Variants in KCNJ13 observed in about 807,000 individuals in gnomAD.
KCNJ13 encodes the protein inward rectifier potassium channel 13.
In KCNJ13, 9 loss-of-function variants were observed where a neutral mutation model predicts 24.6. The observed-to-expected ratio is 0.37, with a 90% CI of 0.22 to 0.64. The LOEUF is 0.64. Among genes scored for constraint, KCNJ13 ranks in the 30% least tolerant of loss-of-function variants. The pLI is 0.64. For synonymous variants in KCNJ13, 148 were observed against 154.7 expected, an observed-to-expected ratio of 0.96 and a Z score of 0.32; for missense variants, 337 against 443.8, an observed-to-expected ratio of 0.76 and a Z score of 2.16.
At position 232,776,444 on chromosome 2, in the gene KCNJ13, C is replaced by T. The variant is rs1699516822; in HGVS notation, c.-17+1G>A. 1 of 1,603,172 alleles carries T rather than the reference C, an allele frequency of 6.2e-7. No homozygotes were observed. The highest frequency in any genetic ancestry group is 8.5e-7 in the Non-Finnish European group (1 of 1,172,562). ...GAATGGATATTATTGCATGTACTCA[C>T]CAGTTCTTTTGCTGGGTCAGCCTTT... On this transcript the variant is annotated splice_donor_variant, in intron 1 of 2. Transcript: ENST00000233826. LOFTEE classifies it low-confidence loss of function (5UTR_SPLICE).
In KCNJ13 at chr2:232,768,695, G is replaced by GTT; in HGVS notation, c.577_578dup (p.Asn193LysfsTer8). The GTT allele has an allele frequency of 2.5e-6, 4 of 1,606,088 alleles. No individual in the cohort carries two copies. The highest frequency in any genetic ancestry group is 3.4e-6 in the Non-Finnish European group (4 of 1,173,678). On this transcript the variant is annotated frameshift_variant, in exon 3 of 3. Coordinates refer to ENST00000233826, the MANE Select transcript of KCNJ13 (RefSeq NM_002242.4). LOFTEE classifies it high-confidence loss of function. ...CACTGGTTAGAGGGCTAGGTCGGGT[G>GTT]TTGGCCACTTGGAAGATAAGATTAG... is the stretch of plus-strand genomic sequence containing the variant.
chr2:232,769,504 T>TG (rs1276458490), intron 2 of KCNJ13, among the ~76,000 whole-genome samples: 2 of 73,522 alleles, frequency 2.7e-5, no homozygotes, highest in African/African-American at 1.0e-4. Flanking sequence ...AGACTCCATC[T>TG]CAAAAAAAAA....
At chr2:232,772,909 GTGT>G (rs560920477) in intron 1 of KCNJ13, among the ~76,000 whole-genome samples, 83 of 152,148 alleles carry the variant, frequency 5.5e-4, no homozygotes, top group African/African-American at 1.9e-3. Flanking sequence ...CTGCCTTTCT[GTGT>G]TGTTGGAATT....
At chr2:232,776,412 G>A (rs1699515471) in intron 1 of KCNJ13, 33 bp downstream of exon 1, 1 of 1,578,018 alleles carries the variant, frequency 6.3e-7, no homozygotes, top group South Asian at 1.1e-5. Context: ...TTCCCATAAG[G>A]AAAGAAGAAT....
intron 2 of KCNJ13, among the ~76,000 whole-genome samples, chr2:232,769,071 C>T (rs1158039068): frequency 6.6e-6 from 1 of 152,026 alleles, no homozygotes; most frequent in Non-Finnish European, 1.5e-5. Context: ...AAACTTCATC[C>T]TCTAGTTTCT....
rs1261649348 is a variant in KCNJ13 at position 232,771,294 on chromosome 2, C to G, written c.69G>C (p.Lys23Asn). ...LSQRYRRMVT[K>N]DGHSTLQMDG... Reference sequence around the variant, plus strand: ...CCATTTGAAGTGTGCTGTGGCCATCCTTGGTGACCATCCTCCGGTATCTTT... The same window carrying G: ...CCATTTGAAGTGTGCTGTGGCCATCGTTGGTGACCATCCTCCGGTATCTTT... The change falls in exon 2 of 3, where the codon AAG becomes AAC. Residue 23 changes from lysine to asparagine, a missense_variant. Coordinates refer to ENST00000233826, the MANE Select transcript of KCNJ13 (RefSeq NM_002242.4). The G allele has an allele frequency of 3.7e-6, 6 of 1,610,154 alleles. No homozygotes were observed. Among genetic ancestry groups the G allele is most frequent in the Non-Finnish European group, 5.1e-6 (6 of 1,177,906 alleles).
In KCNJ13 at chr2:232,766,371, C is replaced by T. The variant is rs1698963539; in HGVS notation, c.*1820G>A. ...GGAACCTTAGATCTCAGGTTTTACT[C>T]ATTCACTTATGTCACCTTGGGCAGC... On this transcript the variant is annotated 3_prime_UTR_variant, in exon 3 of 3. Transcript: ENST00000233826. 5.8e-6 allele frequency: 1 copy of T among 172,996 alleles called. No individual in the cohort carries two copies. Among genetic ancestry groups the T allele is most frequent in the Non-Finnish European group, 1.2e-5 (1 of 80,472 alleles). The allele number at this position is 172,996 out of a possible 1,614,324, so 10.7% of individuals were successfully genotyped here.
At chr2:232,770,279 C>G (rs758547257) in intron 2 of KCNJ13, among the ~76,000 whole-genome samples, 1 of 152,198 alleles carries the variant, frequency 6.6e-6, no homozygotes, top group Non-Finnish European at 1.5e-5. Context: ...AAAAAGGGCA[C>G]TAGTCCTCCT....
intron 1 of KCNJ13, among the ~76,000 whole-genome samples, chr2:232,771,615 T>A (rs1184629285): frequency 3.9e-5 from 6 of 152,234 alleles, no homozygotes; most frequent in Non-Finnish European, 8.8e-5. Flanking sequence ...GTTAAAACAT[T>A]GTTTAACACT....
chr2:232,770,888 C>G lies in KCNJ13; in HGVS notation c.460+15G>C, dbSNP rs1402666969. ...TTTTTGTTTTTGTTTTTTTTAAGAACAAAGACAAAATTACCTGTGATAAAA... is the reference window on the plus strand; with the variant it reads ...TTTTTGTTTTTGTTTTTTTTAAGAAGAAAGACAAAATTACCTGTGATAAAA... On this transcript the variant is annotated intron_variant, in intron 2 of 2. Transcript: ENST00000233826. The G allele has an allele frequency of 1.3e-6, 2 of 1,592,176 alleles. No homozygotes were observed. Among genetic ancestry groups the G allele is most frequent in the African/African-American group, 2.7e-5 (2 of 74,276 alleles).
chr2:232,769,301 C>T (rs1017000025), intron 2 of KCNJ13, among the ~76,000 whole-genome samples: 5 of 151,944 alleles, frequency 3.3e-5, no homozygotes, highest in South Asian at 2.1e-4. Context: ...GAGCCCGAGG[C>T]GGGCGGGTCA....
In KCNJ13 at chr2:232,766,091, A is replaced by C; in HGVS notation, c.*2100T>G. 2.2e-6 allele frequency: 1 copy of C among 455,002 alleles called. No individual in the cohort carries two copies. The highest frequency in any genetic ancestry group is 1.6e-5 in the South Asian group (1 of 62,506). The allele number at this position is 455,002 out of a possible 1,614,324, so 28.2% of individuals were successfully genotyped here. ...CCTCAGAGGATAATGGTCTTTCTATAGAAAACCTAATCCTTAACCTAGAAA... is the reference window on the plus strand; with the variant it reads ...CCTCAGAGGATAATGGTCTTTCTATCGAAAACCTAATCCTTAACCTAGAAA... On this transcript the variant is annotated 3_prime_UTR_variant, in exon 3 of 3. Coordinates refer to ENST00000233826, the MANE Select transcript of KCNJ13 (RefSeq NM_002242.4).
rs375562473 is a variant in KCNJ13 at position 232,773,509 on chromosome 2, A to C, written c.-16-2131T>G. ...TACAGGAAGCGTTTGGTGAAATAAC[A>C]GTCTTTCCAAAAATGATTGATATTG... On this transcript the variant is annotated intron_variant, in intron 1 of 2. Coordinates refer to ENST00000233826, the MANE Select transcript of KCNJ13 (RefSeq NM_002242.4). Among the ~76,000 whole-genome samples, 11 of 152,246 alleles carry C rather than the reference A, an allele frequency of 7.2e-5. 1 individual carries two copies. The highest frequency in any genetic ancestry group is 2.6e-4 in the African/African-American group (11 of 41,540).
intron 2 of KCNJ13, among the ~76,000 whole-genome samples, chr2:232,770,631 A>G (rs1436255977): frequency 6.6e-6 from 1 of 151,582 alleles, no homozygotes; most frequent in East Asian, 1.9e-4. Flanking sequence ...GATATGGGAT[A>G]TTTCTGCAAT....
At position 232,767,134 on chromosome 2, in the gene KCNJ13, C is replaced by T. The variant is rs1699001155; in HGVS notation, c.*1057G>A. On this transcript the variant is annotated 3_prime_UTR_variant, in exon 3 of 3. Transcript: ENST00000233826. ...AATAGAGTTCATCTAGTCCAACCTC[C>T]TACTGGTGAATAAACACTGATTTTG... is the stretch of plus-strand genomic sequence containing the variant. 6.6e-6 allele frequency: 1 copy of T among 152,116 alleles called. No homozygotes were observed. Among genetic ancestry groups the T allele is most frequent in the African/African-American group, 2.4e-5 (1 of 41,440 alleles). The allele number at this position is 152,116 out of a possible 1,614,324, so 9.4% of individuals were successfully genotyped here.
chr2:232,774,012 T>G (rs1027024739), intron 1 of KCNJ13, among the ~76,000 whole-genome samples: 1 of 151,594 alleles, frequency 6.6e-6, no homozygotes, highest in Non-Finnish European at 1.5e-5. Flanking sequence ...CCAGGCATGG[T>G]GACTCATGCC....
At chr2:232,776,396 C>G in intron 1 of KCNJ13, 49 bp downstream of exon 1, 1 of 1,519,084 alleles carries the variant, frequency 6.6e-7, no homozygotes, top group Non-Finnish European at 9.1e-7. Context: ...CAGTTTCTTT[C>G]CCTGTTTCCC....
chr2:232,772,440 G>A lies in KCNJ13; in HGVS notation c.-16-1062C>T, dbSNP rs552941947. 2.0e-3 allele frequency among the ~76,000 whole-genome samples: 311 copies of A among 152,286 alleles called. 1 individual carries two copies. The highest frequency in any genetic ancestry group is 7.1e-3 in the African/African-American group (296 of 41,574). On this transcript the variant is annotated intron_variant, in intron 1 of 2. Transcript: ENST00000233826. Reference sequence around the variant, plus strand: ...GTAAGTAAACTAGAAGAAAAAGGTTGAATAGTTCAATGAACTAAAATAATC... The same window carrying A: ...GTAAGTAAACTAGAAGAAAAAGGTTAAATAGTTCAATGAACTAAAATAATC...
chr2:232,770,930 C>T lies in KCNJ13; in HGVS notation c.433G>A (p.Gly145Ser). The change falls in exon 2 of 3, where the codon GGC becomes AGC. Residue 145 changes from glycine (G) to serine (S), a missense_variant. Gly to Ser is a moderately conservative substitution (Grantham distance 56, BLOSUM62 0). This residue lies in a region of KCNJ13 where 235 missense variants were observed against 286.9 expected (regional missense o/e 0.82). Transcript: ENST00000233826. Reference protein sequence around the residue: ...IALLAIQMLLGLMLEAFITGA... With the variant: ...IALLAIQMLLSLMLEAFITGA... ...GTGATAAAAGCCTCTAGCATGAGGCCTAGGAGCATTTGTATGGCAAGTAAG... is the reference window on the plus strand; with the variant it reads ...GTGATAAAAGCCTCTAGCATGAGGCTTAGGAGCATTTGTATGGCAAGTAAG... 1 of 1,613,686 alleles carries T rather than the reference C, an allele frequency of 6.2e-7. No homozygotes were observed. The highest frequency in any genetic ancestry group is 8.5e-7 in the Non-Finnish European group (1 of 1,179,774).
Sources: gnomAD v4.1 joint callset for allele counts (sites outside exome capture counted in the v4.1 genomes callset) on GRCh38, gnomAD v4.1.1 for gene constraint, gnomAD v4.1.1 regional missense constraint, MANE v1.5 for transcripts, NCBI Gene and HGNC (gene_info 2026-07-23, HGNC 2026-07-21) for gene names.